Variants in IQCH observed in about 807,000 individuals in gnomAD.
IQCH encodes the protein IQ motif containing H.
In IQCH, 98 loss-of-function variants were observed where a neutral mutation model predicts 117.0. The ratio of observed to expected loss-of-function variants is 0.84; its 90% CI spans 0.71 to 0.99. The LOEUF (loss-of-function observed/expected upper bound fraction) is 0.99, where lower values mean the gene tolerates loss of function less well. IQCH is among the 50% of genes least tolerant of loss of function. The pLI, the probability that IQCH is intolerant of heterozygous loss-of-function variation, is 0.00. For synonymous variants in IQCH, 412 were observed against 448.2 expected (o/e 0.92, Z 1.02); for missense variants, 1,102 against 1,243.8 (o/e 0.89, Z 1.72).
At chr15:67,301,335 C>T (rs1408898814) in intron 4 of IQCH, among the ~76,000 whole-genome samples, 2 of 148,784 alleles carry the variant, frequency 1.3e-5, no homozygotes, top group Admixed American at 6.7e-5. Flanking sequence ...ATAGATGGTT[C>T]GTAAGACAAA....
chr15:67,328,658 C>G (rs762162774), intron 4 of IQCH, among the ~76,000 whole-genome samples: 5 of 152,052 alleles, frequency 3.3e-5, no homozygotes, highest in Non-Finnish European at 5.9e-5. Flanking sequence ...AGGTGAGGCT[C>G]AGGTCTTACT....
In IQCH at chr15:67,359,503, A is replaced by T. The variant is rs1278813990; in HGVS notation, c.715-344A>T. On this transcript the variant is annotated intron_variant, in intron 7 of 20. Coordinates refer to ENST00000335894, the MANE Select transcript of IQCH (RefSeq NM_001031715.3). This position sits in a 1 kb window ranked among gnomAD's most constrained non-coding sequence, Gnocchi z 4.5. ...GGACTTCAGTATGCCAAGCCTCGTGATAGAGCCAGTACAGACCTTTGATCA... is the reference window on the plus strand; with the variant it reads ...GGACTTCAGTATGCCAAGCCTCGTGTTAGAGCCAGTACAGACCTTTGATCA... Among the ~76,000 whole-genome samples the T allele has an allele frequency of 6.6e-6, 1 of 152,238 alleles. No individual in the cohort carries two copies. The highest frequency in any genetic ancestry group is 1.5e-5 in the Non-Finnish European group (1 of 68,040).
intron 8 of IQCH, among the ~76,000 whole-genome samples, chr15:67,367,177 C>T (rs903028856): frequency 2.0e-5 from 3 of 152,144 alleles, no homozygotes; most frequent in Admixed American, 6.5e-5. Flanking sequence ...ATACACCACA[C>T]TATGTTATGT....
intron 18 of IQCH, among the ~76,000 whole-genome samples, chr15:67,489,002 C>T (rs930626039): frequency 1.3e-5 from 2 of 152,044 alleles, no homozygotes; most frequent in Non-Finnish European, 2.9e-5. Context: ...AATTATTTTC[C>T]ACATAACAAA....
At position 67,445,440 on chromosome 15, in the gene IQCH, G is replaced by T. The variant is rs987620080; in HGVS notation, c.2506-19687G>T. On this transcript the variant is annotated intron_variant, in intron 16 of 20. Transcript: ENST00000335894. This position sits in a 1 kb window ranked among gnomAD's most constrained non-coding sequence, Gnocchi z 4.3. ...CCCCAGAGTACCTACCTCATGTCTG[G>T]TTTTTTTGTTTGTTTTTGAGATGGA... 1.4e-5 allele frequency among the ~76,000 whole-genome samples: 2 copies of T among 146,548 alleles called. No homozygotes were observed. The highest frequency in any genetic ancestry group is 1.5e-5 in the Non-Finnish European group (1 of 66,284).
chr15:67,297,634 C>T (rs1207719416), intron 4 of IQCH, among the ~76,000 whole-genome samples: 2 of 152,208 alleles, frequency 1.3e-5, no homozygotes, highest in East Asian at 1.9e-4. Context: ...TGTATAATTC[C>T]CAGTCCATGC....
intron 16 of IQCH, among the ~76,000 whole-genome samples, chr15:67,452,784 T>C (rs2140994021): frequency 6.6e-6 from 1 of 152,380 alleles, no homozygotes; most frequent in South Asian, 2.1e-4. Context: ...CTTGCTAGAT[T>C]GGGGAAGTTC....
intron 4 of IQCH, among the ~76,000 whole-genome samples, chr15:67,330,012 A>G (rs1968594139): frequency 1.3e-5 from 2 of 152,272 alleles, no homozygotes. Flanking sequence ...TGTCAGGTCC[A>G]TACACACTTT....
chr15:67,337,416 T>C (rs866468645), intron 5 of IQCH, among the ~76,000 whole-genome samples: 1 of 152,206 alleles, frequency 6.6e-6, no homozygotes, highest in African/African-American at 2.4e-5. Flanking sequence ...GAGCAGATCA[T>C]TTTTGATATA....
At chr15:67,347,907 A>C (rs968818154) in intron 6 of IQCH, among the ~76,000 whole-genome samples, 2 of 148,250 alleles carry the variant, frequency 1.3e-5, no homozygotes, top group African/African-American at 4.9e-5. Flanking sequence ...ATATAGAGAG[A>C]GATTATGTAT....
In IQCH at chr15:67,279,959, T is replaced by C. The variant is rs138512090; in HGVS notation, c.387+447T>C. Among the ~76,000 whole-genome samples the C allele has an allele frequency of 3.2e-4, 48 of 151,850 alleles. No individual in the cohort carries two copies. The East Asian group carries it at 7.8e-3, about 25-fold the overall frequency. On this transcript the variant is annotated intron_variant, in intron 4 of 20. Transcript: ENST00000335894. ...TGAACCCGGGAGGCGGAACTTTCAG[T>C]GAGCCGAGATTGTGCCACTGCACTC...
At position 67,466,722 on chromosome 15, in the gene IQCH, A is replaced by G. The variant is rs762892770; in HGVS notation, c.2676+1425A>G. ...CCCTTGATCTCTTTCCTTAGTAAGA[A>G]GAGAAGCAGAGTTGAGCTGGAGAGG... On this transcript the variant is annotated intron_variant, in intron 17 of 20. Transcript: ENST00000335894. This position sits in a 1 kb window ranked among gnomAD's most constrained non-coding sequence, Gnocchi z 4.4. 1 of 152,266 alleles carries G rather than the reference A, an allele frequency of 6.6e-6. No individual in the cohort carries two copies. The highest frequency in any genetic ancestry group is 1.5e-5 in the Non-Finnish European group (1 of 68,096). 9.4% of individuals were successfully genotyped at this position (152,266 alleles called of 1,614,324 possible). A position where few individuals can be genotyped will look rare whatever the true frequency, so the allele number is the denominator to read the frequency against.
In IQCH at chr15:67,454,804, G is replaced by A. The variant is rs745888667; in HGVS notation, c.2506-10323G>A. On this transcript the variant is annotated intron_variant, in intron 16 of 20. Transcript: ENST00000335894. The surrounding 1 kb of genome is among the most constrained non-coding windows in gnomAD (Gnocchi z 5.2). The stretch of plus-strand genomic sequence containing the variant: ...CCACATTTTGTTAATTTATTCATCA[G>A]TGAATGGGTATTTGGGTTGTGTCCA... Among the ~76,000 whole-genome samples, 33 of 152,180 alleles carry A rather than the reference G, an allele frequency of 2.2e-4. No individual in the cohort carries two copies. Among genetic ancestry groups the A allele is most frequent in the Non-Finnish European group, 1.6e-4 (11 of 68,042 alleles).
At chr15:67,287,903 T>C (rs1966622109) in intron 4 of IQCH, among the ~76,000 whole-genome samples, 1 of 152,062 alleles carries the variant, frequency 6.6e-6, no homozygotes, top group African/African-American at 2.4e-5. Flanking sequence ...CTCTTAGCAT[T>C]GCCTTCACTA....
chr15:67,400,338 G>T (rs756539569), intron 14 of IQCH, 33 bp downstream of exon 14: 19 of 1,542,500 alleles, frequency 1.2e-5, no homozygotes, highest in Non-Finnish European at 1.6e-5. Context: ...AACCCGCAGG[G>T]TCTGTGAACA....
At position 67,405,059 on chromosome 15, in the gene IQCH, C is replaced by A. The variant is rs2140878420; in HGVS notation, c.2097+4754C>A. The A allele has an allele frequency of 6.6e-6, 1 of 152,212 alleles. No individual in the cohort carries two copies. Among genetic ancestry groups the A allele is most frequent in the East Asian group, 1.9e-4 (1 of 5,184 alleles). 9.4% of individuals were successfully genotyped at this position (152,212 alleles called of 1,614,324 possible). On this transcript the variant is annotated intron_variant, in intron 14 of 20. Transcript: ENST00000335894. This position sits in a 1 kb window ranked among gnomAD's most constrained non-coding sequence, Gnocchi z 4.8. ...GCACTTTTATTTTAGATATAAGAAT[C>A]CAGCTTCTCATTGCTATTATTTGAT... is the stretch of plus-strand genomic sequence containing the variant.
At chr15:67,487,429 A>C (rs1275903226) in intron 18 of IQCH, among the ~76,000 whole-genome samples, 1 of 148,098 alleles carries the variant, frequency 6.8e-6, no homozygotes, top group Non-Finnish European at 1.5e-5. Flanking sequence ...ACTTAAGGAA[A>C]ACACACACAC....
chr15:67,377,611 C>T (rs541685312), intron 10 of IQCH, among the ~76,000 whole-genome samples: 9 of 152,252 alleles, frequency 5.9e-5, no homozygotes, highest in African/African-American at 1.4e-4. Flanking sequence ...CTTGGTGCTA[C>T]GTATAAACTC....
At chr15:67,371,177 C>T (rs967620822) in intron 8 of IQCH, among the ~76,000 whole-genome samples, 1 of 152,118 alleles carries the variant, frequency 6.6e-6, no homozygotes, top group African/African-American at 2.4e-5. Context: ...TCTGTACCCT[C>T]CCTCTCCCCC....
Sources: allele counts gnomAD v4.1 joint callset (sites outside exome capture counted in the v4.1 genomes callset), GRCh38; gene constraint gnomAD v4.1.1; non-coding constraint Gnocchi (gnomAD v3.1); transcripts MANE v1.5; gene names NCBI Gene and HGNC (gene_info 2026-07-23, HGNC 2026-07-21).